The following TMBIM1 variants were observed in gnomAD, a reference collection of about 807,000 sequenced individuals.
TMBIM1 encodes the protein transmembrane BAX inhibitor motif containing 1, also known as protein lifeguard 3.
TMBIM1 carries 34 observed loss-of-function variants against 45.1 expected under a neutral mutation model. The observed-to-expected ratio is 0.75, with a 90% CI of 0.57 to 1.00. The LOEUF (loss-of-function observed/expected upper bound fraction) is 1.00. Among genes scored for constraint, TMBIM1 ranks in the 50% least tolerant of loss-of-function variants. The pLI is 0.00. For synonymous variants in TMBIM1, 157 were observed against 153.5 expected (o/e 1.02, Z -0.17); for missense variants, 374 against 402.4 (o/e 0.93, Z 0.60).
chr2:218,277,692 G>C, intron 7 of TMBIM1, 22 bp from the exon 8 acceptor site: 1 of 1,614,094 alleles, frequency 6.2e-7, no homozygotes, highest in Non-Finnish European at 8.5e-7. Context: ...AGAGAGACAA[G>C]AATGAAACAC....
In TMBIM1 at chr2:218,282,101, T is replaced by C. The variant is rs373140787; in HGVS notation, c.41A>G (p.Asn14Ser). 7 of 1,559,006 alleles carry C rather than the reference T, an allele frequency of 4.5e-6. No homozygotes were observed. The highest frequency in any genetic ancestry group is 6.1e-6 in the Non-Finnish European group (7 of 1,153,678). ...GGGCGGAGGGCCTGGGTACAGGGGG[T>C]TGCGGTCTTCATATGGTGGTGGGGC... ...PSAPPPYEDR[N>S]PLYPGPPPPG... is the part of the protein sequence containing the mutation. Residue 14 changes from asparagine (N) to serine (S), a missense_variant, in exon 2 of 12, where the codon AAC becomes AGC. By Grantham distance (46) the Asn-to-Ser change is conservative (BLOSUM62 1). Transcript: ENST00000258412.
chr2:218,277,803 A>G lies in TMBIM1; in HGVS notation c.513+132T>C, dbSNP rs1691391453. The G allele has an allele frequency of 1.9e-6, 3 of 1,544,530 alleles. No individual in the cohort carries two copies. In the African/African-American group the frequency reaches 4.1e-5, roughly 21 times the overall value. On this transcript the variant is annotated intron_variant, in intron 7 of 11. Transcript: ENST00000258412. ...TTGGAAAGAGGCAGCCACAGAGGAG[A>G]TCAGAACAGGCGGCCCAGATAAGGT... is the stretch of plus-strand genomic sequence containing the variant.
chr2:218,278,995 C>T, intron 5 of TMBIM1, 43 bp downstream of exon 5: 2 of 1,611,102 alleles, frequency 1.2e-6, no homozygotes, highest in Non-Finnish European at 1.7e-6. Context: ...CAGAAGCTGC[C>T]ACCCCTGCCT....
Position 218,282,193 on chromosome 2 carries a change from G to A in TMBIM1, c.-40-12C>T, listed in dbSNP as rs755633876. On this transcript the variant is annotated splice_polypyrimidine_tract_variant and intron_variant, in intron 1 of 11. Transcript: ENST00000258412. ...CCAGCTGCTGGGACCTGAAATGGGA[G>A]AGGAGAAAAGCAATCGTGAATGCCC... 2 of 1,379,146 alleles carry A rather than the reference G, an allele frequency of 1.5e-6. No homozygotes were observed. The highest frequency in any genetic ancestry group is 9.6e-7 in the Non-Finnish European group (1 of 1,044,246). The allele number at this position is 1,379,146 out of a possible 1,614,324, so 85.4% of individuals were successfully genotyped here.
chr2:218,279,911 A>C, intron 3 of TMBIM1, 115 bp downstream of exon 3: 1 of 782,272 alleles, frequency 1.3e-6, no homozygotes, highest in Non-Finnish European at 2.3e-6. Context: ...TAGAGAAGAC[A>C]GGCAGCCAGT....
At chr2:218,279,730 T>C (rs532121834) in intron 3 of TMBIM1, among the ~76,000 whole-genome samples, 12 of 152,206 alleles carry the variant, frequency 7.9e-5, no homozygotes, top group Middle Eastern at 3.4e-3. Context: ...CTGCCTATAG[T>C]CTAAAGGGAG....
At chr2:218,278,441 C>A in intron 6 of TMBIM1, 74 bp downstream of exon 6, 1 of 1,468,452 alleles carries the variant, frequency 6.8e-7, no homozygotes, top group East Asian at 2.3e-5. Flanking sequence ...TAAAGGAATC[C>A]TTCTTTCCAA....
At chr2:218,277,598 A>G (rs376043409) in intron 8 of TMBIM1, 35 bp downstream of exon 8, 1 of 1,614,002 alleles carries the variant, frequency 6.2e-7, no homozygotes, top group Non-Finnish European at 8.5e-7. Context: ...CACAATACAC[A>G]TTTCCCAAGA....
chr2:218,284,865 T>G (rs1574653970), intron 1 of TMBIM1, among the ~76,000 whole-genome samples: 1 of 152,172 alleles, frequency 6.6e-6, no homozygotes, highest in African/African-American at 2.4e-5. Context: ...CCGAGGCAGG[T>G]GGATCACCTG....
intron 1 of TMBIM1, among the ~76,000 whole-genome samples, chr2:218,290,415 G>A (rs1222226921): frequency 3.3e-5 from 5 of 152,130 alleles, no homozygotes; most frequent in South Asian, 4.1e-4. Context: ...CTAACTCCTC[G>A]TCTCTTATAA....
At position 218,274,337 on chromosome 2, in the gene TMBIM1, C is replaced by T. The variant is rs368225588; in HGVS notation, c.*1138G>A. 7 of 155,008 alleles carry T rather than the reference C, an allele frequency of 4.5e-5. No homozygotes were observed. In the East Asian group the frequency reaches 9.4e-4, roughly 21 times the overall value. The allele number at this position is 155,008 out of a possible 1,614,324, so 9.6% of individuals were successfully genotyped here. On this transcript the variant is annotated 3_prime_UTR_variant, in exon 12 of 12. Coordinates refer to ENST00000258412, the MANE Select transcript of TMBIM1 (RefSeq NM_022152.6). ...TTCTGCCCCCACCCGACAGACTGAC[C>T]CTTGTCCCCCTTCCCCATTCCAGCT...
In TMBIM1 at chr2:218,276,219, C is replaced by T. The variant is rs187136282; in HGVS notation, c.736-140G>A. On this transcript the variant is annotated intron_variant, in intron 10 of 11. Coordinates refer to ENST00000258412, the MANE Select transcript of TMBIM1 (RefSeq NM_022152.6). Reference sequence around the variant, plus strand: ...TCTCCATGAAAGGCTACTGCCTTTCCAGATCTTGGAGGAAATTAAGACTGG... The same window carrying T: ...TCTCCATGAAAGGCTACTGCCTTTCTAGATCTTGGAGGAAATTAAGACTGG... The T allele has an allele frequency of 9.7e-5, 83 of 859,022 alleles. No individual in the cohort carries two copies. In the Admixed American group the frequency reaches 2.0e-3, roughly 21 times the overall value. 53.2% of individuals were successfully genotyped at this position (859,022 alleles called of 1,614,324 possible).
intron 1 of TMBIM1, chr2:218,287,236 G>C (rs1283414476): frequency 2.0e-5 from 3 of 152,226 alleles, no homozygotes; most frequent in African/African-American, 7.2e-5. Flanking sequence ...GGAAACCCCA[G>C]AGCCAAGAAA....
At chr2:218,277,181 G>T (rs1208471930) in intron 9 of TMBIM1, 82 bp from the exon 10 acceptor site, 2 of 1,289,748 alleles carry the variant, frequency 1.6e-6, no homozygotes, top group African/African-American at 2.9e-5. Context: ...GGGAGTCCCA[G>T]TGCTGCCTCC....
In TMBIM1 at chr2:218,277,396, A is replaced by G. The variant is rs1191831388; in HGVS notation, c.609T>C (p.Ile203=). The G allele has an allele frequency of 6.2e-7, 1 of 1,614,150 alleles. No homozygotes were observed. Among genetic ancestry groups the G allele is most frequent in the South Asian group, 1.1e-5 (1 of 91,082 alleles). The change falls in exon 9 of 12, where the codon ATT becomes ATC. Residue 203 remains isoleucine (I), a synonymous_variant. Transcript: ENST00000258412. ...TCTGAAAGCAGAAGATGGTGACTGA[A>G]ATGGATACCACCGCAGTGATGATCA... ...IAMIITAVVS[I]SVTIFCFQTK...
chr2:218,277,245 T>C, intron 9 of TMBIM1, 121 bp downstream of exon 9: 1 of 1,163,754 alleles, frequency 8.6e-7, no homozygotes, highest in Non-Finnish European at 1.3e-6. Context: ...GGACACAGTT[T>C]TGTAGGTGCG....
At chr2:218,275,756 G>C (rs1446074003) in intron 11 of TMBIM1, 135 bp from the exon 12 acceptor site, 1 of 1,121,702 alleles carries the variant, frequency 8.9e-7, no homozygotes, top group East Asian at 2.5e-5. Flanking sequence ...CATAACATAT[G>C]GGCTCTATAC....
At chr2:218,276,155 G>T in intron 10 of TMBIM1, 76 bp from the exon 11 acceptor site, 1 of 1,517,416 alleles carries the variant, frequency 6.6e-7, no homozygotes. Flanking sequence ...GCTTCCCCCG[G>T]GATAGTGGCA....
intron 9 of TMBIM1, 37 bp from the exon 10 acceptor site, chr2:218,277,136 C>G: frequency 6.4e-7 from 1 of 1,573,882 alleles, no homozygotes; most frequent in Non-Finnish European, 8.7e-7. Context: ...TGTCAGATGG[C>G]TGTGACAACC....
Sources: allele counts gnomAD v4.1 joint callset (sites outside exome capture counted in the v4.1 genomes callset), GRCh38; gene constraint gnomAD v4.1.1; transcripts MANE v1.5; gene names NCBI Gene and HGNC (gene_info 2026-07-23, HGNC 2026-07-21).